Variants in CLBA1 observed in about 807,000 individuals in gnomAD.
The protein encoded by CLBA1 is clathrin binding box of aftiphilin containing 1, also known as uncharacterized protein CLBA1.
Under a neutral mutation model 28.8 loss-of-function variants are expected in CLBA1, and 30 were observed. The ratio of observed to expected loss-of-function variants is 1.04; its 90% confidence interval spans 0.78 to 1.41. The LOEUF is 1.41. CLBA1 is among the 40% of genes most tolerant of loss of function. The probability of loss-of-function intolerance (pLI) is 0.00; values close to 1 mark genes in which losing one functional copy is unlikely to be tolerated. For missense variants in CLBA1, 451 were observed against 412.3 expected, an observed-to-expected ratio of 1.09 and a Z score of -0.81; for synonymous variants, 160 against 152.8, an observed-to-expected ratio of 1.05 and a Z score of -0.35.
chr14:104,994,658 A>AC lies in CLBA1; in HGVS notation c.882dup (p.Ser295LeufsTer27). On this transcript the variant is annotated frameshift_variant, in exon 5 of 5. Transcript: ENST00000547315. LOFTEE classifies it low-confidence loss of function (END_TRUNC). ...GATGACATGCAGCCGCTTCCTGAAG[A>AC]CCCCCTCATGCGGAGGTGGCCAGCA... The AC allele has an allele frequency of 3.1e-6, 5 of 1,613,808 alleles. No homozygotes were observed. The South Asian group carries it at 3.3e-5, about 11-fold the overall frequency.
chr14:104,988,793 T>C, intron 1 of CLBA1, 150 bp from the exon 2 acceptor site: 1 of 860,536 alleles, frequency 1.2e-6, no homozygotes, highest in Non-Finnish European at 1.7e-6. Flanking sequence ...AACTTGGTGA[T>C]TTTTAGGAAT....
In CLBA1 at chr14:104,992,965, G is replaced by C. The variant is rs982978541; in HGVS notation, c.717G>C (p.Gln239His). 2 of 1,614,002 alleles carry C rather than the reference G, an allele frequency of 1.2e-6. No individual in the cohort carries two copies. Among genetic ancestry groups the C allele is most frequent in the Admixed American group, 3.3e-5 (2 of 60,024 alleles). The change falls in exon 4 of 5, where the codon CAG (glutamine) becomes CAC (histidine). Residue 239 changes from glutamine (Q) to histidine (H), a missense_variant. Coordinates refer to ENST00000547315, the MANE Select transcript of CLBA1 (RefSeq NM_174891.4). ...CTCCTTAGAACCTTTCTGGAGGCCA[G>C]GGCCACATCATGGAAGATTGTGACC... ...DAAQKNLSGG[Q>H]GHIMEDCDLK...
At position 104,995,072 on chromosome 14, in the gene CLBA1, A is replaced by G. The variant is rs1900133199; in HGVS notation, c.*313A>G. On this transcript the variant is annotated 3_prime_UTR_variant, in exon 5 of 5. Transcript: ENST00000547315. ...GCACCTGGTGGGGGGTTGCCCAGGG[A>G]TGGACCCTGGGCATGGCTTCTGGGC... is the stretch of plus-strand genomic sequence containing the variant. 9.6e-7 allele frequency: 1 copy of G among 1,039,650 alleles called. No homozygotes were observed. The highest frequency in any genetic ancestry group is 1.2e-6 in the Non-Finnish European group (1 of 864,986). The allele number at this position is 1,039,650 out of a possible 1,614,324, so 64.4% of individuals were successfully genotyped here. A position where few individuals can be genotyped will look rare whatever the true frequency, so the allele number is the denominator to read the frequency against.
chr14:104,997,650 G>A (rs1419395146), downstream of CLBA1, among the ~76,000 whole-genome samples: 5 of 152,180 alleles, frequency 3.3e-5, no homozygotes, highest in East Asian at 1.9e-4. Context: ...AGAAGGCCAC[G>A]CACGCACCCA....
At chr14:104,997,693 A>T (rs188026109), downstream of CLBA1, among the ~76,000 whole-genome samples, 1 of 152,332 alleles carries the variant, frequency 6.6e-6, no homozygotes, top group Non-Finnish European at 1.5e-5. Flanking sequence ...AGGAAGGTCA[A>T]CTTAGAAGTT....
intron 4 of CLBA1, chr14:104,993,673 T>C: frequency 1.0e-6 from 1 of 985,464 alleles, no homozygotes; most frequent in Non-Finnish European, 1.2e-6. Flanking sequence ...GGCTGGAGTC[T>C]GGAGCCCACC....
At position 104,986,269 on chromosome 14, in the gene CLBA1, A is replaced by G; in HGVS notation, c.-163A>G. On this transcript the variant is annotated 5_prime_UTR_variant, in exon 1 of 5. Coordinates refer to ENST00000547315, the MANE Select transcript of CLBA1 (RefSeq NM_174891.4). ...GTCAGTTCCACAGCAGCACGTGGGC[A>G]CTTTCCACCGTCAGCCACTGGGCAG... is the stretch of plus-strand genomic sequence containing the variant. 1.5e-6 allele frequency: 1 copy of G among 688,452 alleles called. No individual in the cohort carries two copies. The highest frequency in any genetic ancestry group is 2.4e-6 in the Non-Finnish European group (1 of 417,764). The allele number at this position is 688,452 out of a possible 1,614,324, so 42.6% of individuals were successfully genotyped here.
intron 3 of CLBA1, among the ~76,000 whole-genome samples, chr14:104,992,106 TGCCGCCATGCACACGCCACCACGCACAC>T (rs1304465569): frequency 4.6e-5 from 5 of 108,750 alleles, no homozygotes; most frequent in South Asian, 6.4e-4. Context: ...CACCACCACA[TGCCGCCATGCACACGCCACCACGCACAC>T]GCCGCCATGC....
intron 3 of CLBA1, among the ~76,000 whole-genome samples, chr14:104,991,939 A>C (rs527838276): frequency 6.7e-6 from 1 of 150,086 alleles, no homozygotes; most frequent in Non-Finnish European, 1.5e-5. Flanking sequence ...CGCACATGCC[A>C]CCACGCACAC....
At chr14:104,987,569 TGTA>T (rs1260960756) in intron 1 of CLBA1, among the ~76,000 whole-genome samples, 1 of 150,922 alleles carries the variant, frequency 6.6e-6, no homozygotes, top group Non-Finnish European at 1.5e-5. Context: ...ATAAAGATAT[TGTA>T]GTTCTCAGGG....
chr14:104,994,506 C>T (rs996482623), intron 4 of CLBA1, 92 bp from the exon 5 acceptor site: 22 of 1,482,906 alleles, frequency 1.5e-5, no homozygotes, highest in East Asian at 1.4e-4. Context: ...ACTAGGGGGC[C>T]GAGAGGCAGG....
chr14:104,994,920 T>G lies in CLBA1; in HGVS notation c.*161T>G, dbSNP rs774311280. 1.5e-6 allele frequency: 2 copies of G among 1,369,768 alleles called. No individual in the cohort carries two copies. Among genetic ancestry groups the G allele is most frequent in the Non-Finnish European group, 1.9e-6 (2 of 1,064,648 alleles). The allele number at this position is 1,369,768 out of a possible 1,614,324, so 84.9% of individuals were successfully genotyped here. On this transcript the variant is annotated 3_prime_UTR_variant, in exon 5 of 5. Coordinates refer to ENST00000547315, the MANE Select transcript of CLBA1 (RefSeq NM_174891.4). ...TCCTGTGTTCTGGGCTTGTCTCGGG[T>G]CTGACCAGGAGATGGAGGATGTGTC...
chr14:104,994,226 T>C (rs1447015304), intron 4 of CLBA1: 2 of 985,452 alleles, frequency 2.0e-6, no homozygotes, highest in Non-Finnish European at 2.4e-6. Flanking sequence ...CCGCAGCTGT[T>C]TGGGGGAAGT....
intron 2 of CLBA1, chr14:104,991,093 C>T (rs1900006693): frequency 4.9e-6 from 1 of 204,816 alleles, no homozygotes; most frequent in Non-Finnish European, 1.0e-5. Flanking sequence ...GGCGCGATCT[C>T]CGCTCCCTGC....
In CLBA1 at chr14:104,994,718, C is replaced by T. The variant is rs374564737; in HGVS notation, c.937C>T (p.Arg313Cys). ...TIPRKRMFTP[R>C]KLKLTLFNSD... ...TCCAAGGAAAAGGATGTTCACTCCACGCAAGCTCAAACTGACACTCTTTAA... is the reference window on the plus strand; with the variant it reads ...TCCAAGGAAAAGGATGTTCACTCCATGCAAGCTCAAACTGACACTCTTTAA... The change falls in exon 5 of 5, where the codon CGC becomes TGC. Residue 313 changes from arginine to cysteine, a missense_variant. By Grantham distance (180) the Arg-to-Cys change is radical (BLOSUM62 -3). Transcript: ENST00000547315. The T allele has an allele frequency of 1.6e-5, 26 of 1,613,544 alleles. No homozygotes were observed. Among genetic ancestry groups the T allele is most frequent in the Middle Eastern group, 1.6e-4 (1 of 6,080 alleles).
intron 1 of CLBA1, among the ~76,000 whole-genome samples, chr14:104,988,264 C>T (rs1271046750): frequency 1.3e-5 from 2 of 152,112 alleles, no homozygotes; most frequent in African/African-American, 4.8e-5. Flanking sequence ...TACCCCTTCA[C>T]ACTAACTCAG....
chr14:105,000,776 G>T (rs1206623666), intron 2 of CLBA1, among the ~76,000 whole-genome samples: 1 of 152,034 alleles, frequency 6.6e-6, no homozygotes, highest in African/African-American at 2.4e-5. Context: ...AGAGAAATGG[G>T]AATGCTTGTG....
At chr14:104,996,124 T>C (rs1035624379), downstream of CLBA1, among the ~76,000 whole-genome samples, 13 of 152,240 alleles carry the variant, frequency 8.5e-5, no homozygotes, top group Non-Finnish European at 1.5e-4. Context: ...CCTGGCTGGA[T>C]GTTGGTGACC....
rs752619296 is a variant in CLBA1, at chr14:104,993,115, C to T, written c.816+51C>T. On this transcript the variant is annotated intron_variant, in intron 4 of 4. Coordinates refer to ENST00000547315, the MANE Select transcript of CLBA1 (RefSeq NM_174891.4). Reference sequence around the variant, plus strand: ...CAGGGAACCGCGCTGGCGGTGTCCACACATGTGGAGCCCTCCGCTTTCTCT... The same window carrying T: ...CAGGGAACCGCGCTGGCGGTGTCCATACATGTGGAGCCCTCCGCTTTCTCT... The T allele has an allele frequency of 8.5e-5, 135 of 1,579,420 alleles. 1 individual carries two copies. Among genetic ancestry groups the T allele is most frequent in the Non-Finnish European group, 1.1e-4 (127 of 1,163,668 alleles).
Sources: gnomAD v4.1 joint callset for allele counts (sites outside exome capture counted in the v4.1 genomes callset) on GRCh38, gnomAD v4.1.1 for gene constraint, MANE v1.5 for transcripts, NCBI Gene and HGNC (gene_info 2026-07-23, HGNC 2026-07-21) for gene names.